CHRM3: variants seen among roughly 807,000 people sequenced by gnomAD.
The protein encoded by CHRM3 is muscarinic acetylcholine receptor M3.
Under a neutral mutation model 41.8 loss-of-function variants are expected in CHRM3, and 11 were observed. That is an observed-to-expected ratio of 0.26 (90% CI 0.17 to 0.44). The LOEUF (loss-of-function observed/expected upper bound fraction) is 0.44, where lower values mean the gene tolerates loss of function less well. Among genes scored for constraint, CHRM3 ranks in the 20% least tolerant of loss-of-function variants. The pLI is 1.00. For synonymous variants in CHRM3, 297 were observed against 301.4 expected (o/e 0.99, Z 0.15); for missense variants, 571 against 745.4 (o/e 0.77, Z 2.72).
chr1:239,599,428 G>GTT (rs34882749), intron 3 of CHRM3, among the ~76,000 whole-genome samples: 4 of 138,482 alleles, frequency 2.9e-5, no homozygotes, highest in East Asian at 2.1e-4. Flanking sequence ...TCTGTTTACT[G>GTT]TTTTTTTTTT....
chr1:239,551,179 G>A (rs1659783963), intron 3 of CHRM3, among the ~76,000 whole-genome samples: 1 of 128,350 alleles, frequency 7.8e-6, no homozygotes, highest in Non-Finnish European at 1.6e-5. Context: ...TTTGAGAGAG[G>A]GAGTTTCGGT....
intron 1 of CHRM3, among the ~76,000 whole-genome samples, chr1:239,447,971 C>A (rs1426554128): frequency 1.3e-5 from 2 of 152,130 alleles, no homozygotes; most frequent in Non-Finnish European, 2.9e-5. Context: ...AGAATAAACC[C>A]AATCCAGCAC....
chr1:239,425,789 A>C (rs769236676), intron 1 of CHRM3, among the ~76,000 whole-genome samples: 15 of 152,030 alleles, frequency 9.9e-5, no homozygotes, highest in East Asian at 1.9e-4. Context: ...TAAATGATTT[A>C]TTTTTCATGT....
chr1:239,778,937 T>A (rs184603194), intron 5 of CHRM3, among the ~76,000 whole-genome samples: 133 of 152,340 alleles, frequency 8.7e-4, no homozygotes, highest in Middle Eastern at 3.4e-3. Flanking sequence ...GCTATGTGAT[T>A]GTTTCCATTT....
intron 5 of CHRM3, among the ~76,000 whole-genome samples, chr1:239,767,145 A>G (rs1467075453): frequency 6.6e-6 from 1 of 152,190 alleles, no homozygotes; most frequent in East Asian, 1.9e-4. Context: ...TTTCCTGATA[A>G]AAGTTCAGAA....
intron 5 of CHRM3, among the ~76,000 whole-genome samples, chr1:239,723,394 A>G (rs1322102036): frequency 6.6e-6 from 1 of 151,962 alleles, no homozygotes; most frequent in African/African-American, 2.4e-5. Context: ...TTAACAATGT[A>G]TATTATCTTA....
intron 2 of CHRM3, among the ~76,000 whole-genome samples, chr1:239,517,831 G>T (rs879344469): frequency 6.6e-6 from 1 of 152,166 alleles, no homozygotes; most frequent in Non-Finnish European, 1.5e-5. Context: ...ATCAATGCCT[G>T]TGATGAGATA....
At chr1:239,906,372 G>A (rs569796095) in intron 6 of CHRM3, among the ~76,000 whole-genome samples, 24 of 152,254 alleles carry the variant, frequency 1.6e-4, no homozygotes, top group Admixed American at 7.8e-4. Context: ...TTGCTGGGAT[G>A]ATCAAACTTT....
intron 3 of CHRM3, among the ~76,000 whole-genome samples, chr1:239,611,911 T>TA (rs2148756337): frequency 1.3e-5 from 2 of 152,328 alleles, no homozygotes; most frequent in Admixed American, 1.3e-4. Flanking sequence ...AACACAATTT[T>TA]AATAGATTTT....
intron 4 of CHRM3, among the ~76,000 whole-genome samples, chr1:239,672,102 A>G (rs1674432498): frequency 6.6e-6 from 1 of 152,154 alleles, no homozygotes; most frequent in Admixed American, 6.5e-5. Flanking sequence ...GTAGCCCTCT[A>G]TTGATGTTTT....
chr1:239,761,519 T>C (rs930662796), intron 5 of CHRM3, among the ~76,000 whole-genome samples: 4 of 152,206 alleles, frequency 2.6e-5, no homozygotes, highest in Non-Finnish European at 5.9e-5. Flanking sequence ...AAATGTTTTA[T>C]CGTTGTTTGG....
intron 5 of CHRM3, among the ~76,000 whole-genome samples, chr1:239,779,280 G>C (rs929419006): frequency 6.6e-6 from 1 of 152,144 alleles, no homozygotes; most frequent in African/African-American, 2.4e-5. Flanking sequence ...CCCCACCAGG[G>C]TGTGTAATTG....
chr1:239,478,033 C>T (rs1666582629), intron 1 of CHRM3, among the ~76,000 whole-genome samples: 1 of 152,110 alleles, frequency 6.6e-6, no homozygotes, highest in Admixed American at 6.6e-5. Context: ...CTTGAATTTT[C>T]CAGTGACTTT....
At position 239,707,485 on chromosome 1, in the gene CHRM3, GCTAA is replaced by G. The variant is rs1661311804; in HGVS notation, c.-147+29200_-147+29203del. On this transcript the variant is annotated intron_variant, in intron 5 of 6. Transcript: ENST00000676153. ...CAAACCTCAATGTTCTGAATTATGA[GCTAA>G]CTGTTTTGGAAGTGAATAAAATATA... is the stretch of plus-strand genomic sequence containing the variant. 3.9e-5 allele frequency: 6 copies of G among 152,290 alleles called. No homozygotes were observed. The South Asian group carries it at 1.2e-3, about 32-fold the overall frequency. 9.4% of individuals were successfully genotyped at this position (152,290 alleles called of 1,614,324 possible).
chr1:239,511,697 T>A (rs1295323157), intron 2 of CHRM3, among the ~76,000 whole-genome samples: 7 of 152,210 alleles, frequency 4.6e-5, no homozygotes, highest in Non-Finnish European at 8.8e-5. Context: ...TAAACATTTA[T>A]TTTAATTAAG....
chr1:239,840,008 A>C (rs1673659981), intron 6 of CHRM3, among the ~76,000 whole-genome samples: 2 of 152,118 alleles, frequency 1.3e-5, no homozygotes, highest in South Asian at 4.1e-4. Context: ...TTAATTAATT[A>C]TTTTTCATTT....
intron 3 of CHRM3, among the ~76,000 whole-genome samples, chr1:239,547,857 G>A (rs536818776): frequency 6.6e-6 from 1 of 152,000 alleles, no homozygotes; most frequent in Non-Finnish European, 1.5e-5. Flanking sequence ...TGCAAACATA[G>A]CTTGAGTATG....
chr1:239,721,787 G>A (rs764872372), intron 5 of CHRM3, among the ~76,000 whole-genome samples: 16 of 151,910 alleles, frequency 1.1e-4, no homozygotes, highest in African/African-American at 3.4e-4. Flanking sequence ...ATATGCACTC[G>A]TGTGTATCAT....
chr1:239,822,030 C>T (rs1292075715), intron 5 of CHRM3, among the ~76,000 whole-genome samples: 3 of 152,172 alleles, frequency 2.0e-5, no homozygotes, highest in Non-Finnish European at 4.4e-5. Flanking sequence ...TTCCTGAGGC[C>T]TCCCCAGCCA....
Sources: allele counts gnomAD v4.1 joint callset (sites outside exome capture counted in the v4.1 genomes callset), GRCh38; gene constraint gnomAD v4.1.1; transcripts MANE v1.5; gene names NCBI Gene and HGNC (gene_info 2026-07-23, HGNC 2026-07-21).